Variants in DHRS9 observed in about 807,000 individuals in gnomAD.
The protein encoded by DHRS9 is dehydrogenase/reductase 9, also known as dehydrogenase/reductase SDR family member 9.
Under a neutral mutation model 26.6 loss-of-function variants are expected in DHRS9, and 18 were observed. The observed-to-expected ratio is 0.68, with a 90% CI of 0.47 to 1.00. The LOEUF (loss-of-function observed/expected upper bound fraction) is 1.00. DHRS9 is among the 50% of genes least tolerant of loss of function. The pLI is 0.00. For synonymous variants in DHRS9, 134 were observed against 141.1 expected (o/e 0.95, Z 0.36); for missense variants, 425 against 378.7 (o/e 1.12, Z -1.01).
intron 3 of DHRS9, among the ~76,000 whole-genome samples, chr2:169,088,812 T>C (rs770177027): frequency 2.3e-4 from 35 of 152,234 alleles, no homozygotes; most frequent in Non-Finnish European, 4.3e-4. Context: ...GGGAATCATA[T>C]AGAAAGGCTA....
intron 3 of DHRS9, among the ~76,000 whole-genome samples, 200 bp from the exon 4 acceptor site, chr2:169,091,590 C>T (rs577665666): frequency 5.9e-5 from 9 of 152,300 alleles, no homozygotes; most frequent in African/African-American, 1.9e-4. Context: ...CCTGTCCTGC[C>T]GTTAACTAGT....
chr2:169,074,400 T>C, intron 1 of DHRS9: 1 of 985,416 alleles, frequency 1.0e-6, no homozygotes, highest in Non-Finnish European at 1.2e-6. Flanking sequence ...ATTTACGCCC[T>C]ATTAAGCAAT....
At chr2:169,083,818 T>C (rs1684270057) in intron 3 of DHRS9, among the ~76,000 whole-genome samples, 1 of 152,206 alleles carries the variant, frequency 6.6e-6, no homozygotes, top group South Asian at 2.1e-4. Flanking sequence ...ACCTCAAGCA[T>C]TTATCCTTTC....
chr2:169,075,419 GAC>G (rs1336489447), intron 1 of DHRS9, among the ~76,000 whole-genome samples: 1 of 152,040 alleles, frequency 6.6e-6, no homozygotes. Context: ...GTAAGTTGAA[GAC>G]ATGATGCTCC....
At chr2:169,086,749 G>A (rs6753502) in intron 3 of DHRS9, among the ~76,000 whole-genome samples, 35,448 of 152,078 alleles carry the variant, frequency 0.23, 4,361 homozygotes, top group African/African-American at 0.33. Context: ...CCTCTTGTAG[G>A]CTCATAGAGG....
chr2:169,085,458 C>T (rs1165869604), intron 3 of DHRS9, among the ~76,000 whole-genome samples: 2 of 152,082 alleles, frequency 1.3e-5, no homozygotes, highest in African/African-American at 4.8e-5. Flanking sequence ...TCTTCCAATC[C>T]ATGAACATGG....
At chr2:169,077,117 C>T (rs1474805838) in intron 1 of DHRS9, among the ~76,000 whole-genome samples, 2 of 152,188 alleles carry the variant, frequency 1.3e-5, no homozygotes, top group South Asian at 2.1e-4. Flanking sequence ...GTTCAGATGT[C>T]AGCTGTGCTT....
upstream of DHRS9, among the ~76,000 whole-genome samples, chr2:169,068,305 G>T (rs1256371186): frequency 6.6e-6 from 1 of 152,222 alleles, no homozygotes; most frequent in African/African-American, 2.4e-5. Context: ...GTGAACCTGA[G>T]TAAATTTCAG....
At chr2:169,093,048 A>G (rs1291063979) in intron 4 of DHRS9, among the ~76,000 whole-genome samples, 4 of 152,150 alleles carry the variant, frequency 2.6e-5, no homozygotes, top group Admixed American at 2.6e-4. Flanking sequence ...TCCTGTTATC[A>G]GGCTTTCCCC....
intron 3 of DHRS9, among the ~76,000 whole-genome samples, chr2:169,084,906 C>G (rs906702175): frequency 6.6e-6 from 1 of 152,076 alleles, no homozygotes; most frequent in Non-Finnish European, 1.5e-5. Flanking sequence ...AATCTTTGCC[C>G]AGCTAATTGT....
intron 1 of DHRS9, among the ~76,000 whole-genome samples, chr2:169,075,342 T>C (rs1180785901): frequency 6.6e-6 from 1 of 152,192 alleles, no homozygotes; most frequent in Non-Finnish European, 1.5e-5. Flanking sequence ...TCTATATACA[T>C]AGGTGCATGT....
intron 1 of DHRS9, chr2:169,070,375 G>T (rs1054584752): frequency 1.0e-6 from 1 of 985,136 alleles, no homozygotes; most frequent in Admixed American, 6.2e-5. Flanking sequence ...GGCTCCTTTC[G>T]CAATGACTTG....
Position 169,081,847 on chromosome 2 carries a change from A to C in DHRS9, c.266A>C (p.Asn89Thr). ...TVLLDVTDPE[N>T]VKRTAQWVKN... is the part of the protein sequence containing the mutation. ...CTTCTGGATGTGACCGACCCAGAGA[A>C]TGTCAAGAGGACTGCCCAGTGGGTG... Residue 89 changes from asparagine to threonine, a missense_variant, in exon 2 of 5, where the codon AAT (asparagine) becomes ACT (threonine). By Grantham distance (65) the Asn-to-Thr change is moderately conservative (BLOSUM62 0). Coordinates refer to ENST00000674881, the MANE Select transcript of DHRS9 (RefSeq NM_001376924.1). 6.2e-7 allele frequency: 1 copy of C among 1,613,766 alleles called. No individual in the cohort carries two copies. Among genetic ancestry groups the C allele is most frequent in the Non-Finnish European group, 8.5e-7 (1 of 1,179,816 alleles).
At chr2:169,077,048 A>G (rs1228220552) in intron 1 of DHRS9, among the ~76,000 whole-genome samples, 1 of 152,204 alleles carries the variant, frequency 6.6e-6, no homozygotes, top group African/African-American at 2.4e-5. Flanking sequence ...GCTGAAGAAA[A>G]TAAGACATAA....
At chr2:169,085,352 T>C (rs1313027423) in intron 3 of DHRS9, among the ~76,000 whole-genome samples, 1 of 152,208 alleles carries the variant, frequency 6.6e-6, no homozygotes, top group Admixed American at 6.5e-5. Flanking sequence ...GGATTGTTTT[T>C]TCTATTTCTG....
intron 1 of DHRS9, among the ~76,000 whole-genome samples, chr2:169,078,595 A>G (rs1684036414): frequency 6.6e-6 from 1 of 152,208 alleles, no homozygotes; most frequent in Non-Finnish European, 1.5e-5. Flanking sequence ...TTATACATTT[A>G]TAATGTATTT....
intron 2 of DHRS9, 84 bp from the exon 3 acceptor site, chr2:169,083,245 G>T: frequency 6.6e-7 from 1 of 1,514,242 alleles, no homozygotes; most frequent in Non-Finnish European, 9.0e-7. Context: ...TGGCACCATT[G>T]TGCAAAGCAG....
chr2:169,071,421 G>A (rs1683800972), intron 1 of DHRS9, among the ~76,000 whole-genome samples: 1 of 152,152 alleles, frequency 6.6e-6, no homozygotes, highest in Admixed American at 6.6e-5. Flanking sequence ...ACGTTTTGAA[G>A]GAAGGCAAAA....
chr2:169,079,826 A>C (rs1452904866), intron 1 of DHRS9, among the ~76,000 whole-genome samples: 1 of 147,920 alleles, frequency 6.8e-6, no homozygotes, highest in Non-Finnish European at 1.5e-5. Context: ...GCACCACTGC[A>C]CTCCAGCCTG....
Sources: allele counts gnomAD v4.1 joint callset (sites outside exome capture counted in the v4.1 genomes callset), GRCh38; gene constraint gnomAD v4.1.1; transcripts MANE v1.5; gene names NCBI Gene and HGNC (gene_info 2026-07-23, HGNC 2026-07-21).